The following CCDC50 variants were observed in gnomAD, a reference collection of about 807,000 sequenced individuals.
The protein encoded by CCDC50 is coiled-coil domain-containing protein 50.
A neutral mutation model predicts 70.2 loss-of-function variants in CCDC50; 54 were observed. The observed-to-expected ratio is 0.77, with a 90% CI of 0.62 to 0.96. CCDC50 has a LOEUF of 0.96. Ranked by LOEUF, CCDC50 falls within the 50% of genes least tolerant of loss-of-function variation. The pLI is 0.00. For synonymous variants in CCDC50, 216 were observed against 198.8 expected (o/e 1.09, Z -0.73); for missense variants, 558 against 578.7 (o/e 0.96, Z 0.37).
At chr3:191,356,657 A>G (rs1712292724) in intron 1 of CCDC50, among the ~76,000 whole-genome samples, 2 of 152,266 alleles carry the variant, frequency 1.3e-5, no homozygotes, top group South Asian at 2.1e-4. Context: ...AACCACAGGG[A>G]AGCATAGATT....
chr3:191,344,291 C>T (rs9860740), intron 1 of CCDC50, among the ~76,000 whole-genome samples: 23,802 of 152,160 alleles, frequency 0.16, 2,788 homozygotes, highest in African/African-American at 0.33. Flanking sequence ...TAGAGCAGTC[C>T]TATCTAATAG....
At chr3:191,365,835 TC>T (rs1221212569) in intron 4 of CCDC50, among the ~76,000 whole-genome samples, 1 of 152,134 alleles carries the variant, frequency 6.6e-6, no homozygotes, top group Non-Finnish European at 1.5e-5. Flanking sequence ...TAACCCTCCA[TC>T]CCTTATATAT....
chr3:191,394,195 G>A lies in CCDC50; in HGVS notation c.*2435G>A, dbSNP rs1250401356. 1 of 151,762 alleles carries A rather than the reference G, an allele frequency of 6.6e-6. No homozygotes were observed. The highest frequency in any genetic ancestry group is 1.5e-5 in the Non-Finnish European group (1 of 67,922). The allele number at this position is 151,762 out of a possible 1,614,324, so 9.4% of individuals were successfully genotyped here. ...TGAAAATTTGTTACTTTTTTTAAAG[G>A]TTTTTAAAAGATTACAATTTTAAAA... On this transcript the variant is annotated 3_prime_UTR_variant, in exon 12 of 12. Transcript: ENST00000392455.
chr3:191,331,625 A>G (rs1244758705), intron 1 of CCDC50, among the ~76,000 whole-genome samples: 1 of 152,202 alleles, frequency 6.6e-6, no homozygotes, highest in African/African-American at 2.4e-5. Flanking sequence ...CTGTCTTTGT[A>G]AACATCTGAC....
At chr3:191,349,965 T>A in intron 1 of CCDC50, among the ~76,000 whole-genome samples, 1 of 64,888 alleles carries the variant, frequency 1.5e-5, no homozygotes, top group African/African-American at 9.8e-5. Flanking sequence ...TATTTAATAA[T>A]ACCCCCCCCC....
chr3:191,383,957 C>T (rs1163781167), intron 10 of CCDC50, among the ~76,000 whole-genome samples: 4 of 152,040 alleles, frequency 2.6e-5, no homozygotes, highest in Middle Eastern at 3.2e-3. Flanking sequence ...TTTTTTTAGT[C>T]AAATGAATTT....
At chr3:191,349,573 G>A (rs985565381) in intron 1 of CCDC50, among the ~76,000 whole-genome samples, 1 of 141,354 alleles carries the variant, frequency 7.1e-6, no homozygotes, top group African/African-American at 2.5e-5. Context: ...GAATCGGAAG[G>A]ATGGGGTGGT....
chr3:191,360,453 C>T (rs1234276879), intron 3 of CCDC50, among the ~76,000 whole-genome samples: 1 of 152,154 alleles, frequency 6.6e-6, no homozygotes, highest in Non-Finnish European at 1.5e-5. Flanking sequence ...ACAGATTTTA[C>T]ATTAATTTGG....
chr3:191,357,175 T>C (rs761747006), intron 2 of CCDC50, 25 bp downstream of exon 2: 4 of 1,601,152 alleles, frequency 2.5e-6, no homozygotes, highest in South Asian at 2.2e-5. Context: ...TCATTTATGC[T>C]CCTTCAGTTT....
intron 6 of CCDC50, among the ~76,000 whole-genome samples, chr3:191,379,588 G>A (rs1713235735): frequency 6.6e-6 from 1 of 151,984 alleles, no homozygotes; most frequent in South Asian, 2.1e-4. Context: ...AAAGCTGTGG[G>A]GAAGTTCTAA....
intron 4 of CCDC50, among the ~76,000 whole-genome samples, chr3:191,365,284 G>GA (rs1394401877): frequency 6.6e-6 from 1 of 151,020 alleles, no homozygotes; most frequent in African/African-American, 2.4e-5. Context: ...AATTCACATT[G>GA]AAAAAATGAA....
intron 2 of CCDC50, 47 bp downstream of exon 2, chr3:191,357,197 T>A: frequency 6.6e-7 from 1 of 1,519,452 alleles, no homozygotes. Context: ...CTTTTTTTAG[T>A]GGTAGCTTGA....
chr3:191,373,340 G>A (rs1261914420), intron 5 of CCDC50, among the ~76,000 whole-genome samples: 1 of 152,070 alleles, frequency 6.6e-6, no homozygotes, highest in Non-Finnish European at 1.5e-5. Context: ...TAAAAATGTA[G>A]TAACAGCTCT....
At position 191,396,846 on chromosome 3, in the gene CCDC50, T is replaced by C. The variant is rs1052493569; in HGVS notation, c.*5086T>C. 6.6e-6 allele frequency: 1 copy of C among 152,198 alleles called. No individual in the cohort carries two copies. Among genetic ancestry groups the C allele is most frequent in the Non-Finnish European group, 1.5e-5 (1 of 68,020 alleles). The allele number at this position is 152,198 out of a possible 1,614,324, so 9.4% of individuals were successfully genotyped here. On this transcript the variant is annotated 3_prime_UTR_variant, in exon 12 of 12. Coordinates refer to ENST00000392455, the MANE Select transcript of CCDC50 (RefSeq NM_178335.3). ...ACAATCGTGTAATCATGTTGAGTTG[T>C]AGAAATATATGGCCCTAAAAACCAT...
chr3:191,361,768 G>T (rs113497511), intron 4 of CCDC50, among the ~76,000 whole-genome samples: 2 of 152,160 alleles, frequency 1.3e-5, no homozygotes, highest in African/African-American at 4.8e-5. Flanking sequence ...TTGAGGTTTG[G>T]ATAGAAATGA....
At chr3:191,361,229 G>C in intron 4 of CCDC50, 70 bp downstream of exon 4, 1 of 1,079,214 alleles carries the variant, frequency 9.3e-7, no homozygotes, top group South Asian at 1.3e-5. Context: ...AAAACTTTCT[G>C]TAGGTCACGG....
chr3:191,364,148 A>C (rs899867919), intron 4 of CCDC50, among the ~76,000 whole-genome samples: 8 of 151,410 alleles, frequency 5.3e-5, no homozygotes, highest in South Asian at 2.1e-4. Context: ...CGCTCACTGC[A>C]ACCACTGCCT....
intron 6 of CCDC50, among the ~76,000 whole-genome samples, chr3:191,377,883 T>C (rs944002468): frequency 6.6e-6 from 1 of 152,166 alleles, no homozygotes; most frequent in African/African-American, 2.4e-5. Context: ...TCACCTGATT[T>C]TTTGAAAGCT....
At chr3:191,337,400 C>T (rs1378392080) in intron 1 of CCDC50, among the ~76,000 whole-genome samples, 2 of 151,856 alleles carry the variant, frequency 1.3e-5, no homozygotes, top group African/African-American at 2.4e-5. Flanking sequence ...CTTTCTCTCT[C>T]TCTTTTTTTT....
Sources: gnomAD v4.1 joint callset for allele counts (sites outside exome capture counted in the v4.1 genomes callset) on GRCh38, gnomAD v4.1.1 for gene constraint, MANE v1.5 for transcripts, NCBI Gene and HGNC (gene_info 2026-07-23, HGNC 2026-07-21) for gene names.